The following SPAG17 variants were observed in gnomAD, a reference collection of about 807,000 sequenced individuals.
SPAG17 encodes sperm associated antigen 17.
In SPAG17, 169 loss-of-function variants were observed where a neutral mutation model predicts 273.6. That is an observed-to-expected ratio of 0.62 (90% CI 0.55 to 0.70). The LOEUF is 0.70. Ranked by LOEUF, SPAG17 falls within the 30% of genes least tolerant of loss-of-function variation. SPAG17 has a pLI of 0.00. For synonymous variants in SPAG17, 825 were observed against 873.2 expected (o/e 0.94, Z 0.97); for missense variants, 2,557 against 2,627.8 (o/e 0.97, Z 0.59).
At chr1:118,129,336 A>T (rs1184546959) in intron 3 of SPAG17, among the ~76,000 whole-genome samples, 1 of 152,226 alleles carries the variant, frequency 6.6e-6, no homozygotes, top group Non-Finnish European at 1.5e-5. Flanking sequence ...GACAATACTA[A>T]GATGTGTTTC....
rs770664765 is a variant in SPAG17 at position 118,042,051 on chromosome 1, A to G, written c.2815-9T>C. On this transcript the variant is annotated splice_polypyrimidine_tract_variant and intron_variant, in intron 20 of 48. Transcript: ENST00000336338. ...TGCTCTTCTTTCCATGCCTGTAAAC[A>G]CATTTAAGAAATTTAACAGGATTTT... 2.5e-5 allele frequency: 40 copies of G among 1,593,058 alleles called. No individual in the cohort carries two copies. The highest frequency in any genetic ancestry group is 3.4e-5 in the Non-Finnish European group (40 of 1,174,838).
At position 118,023,447 on chromosome 1, in the gene SPAG17, C is replaced by A. The variant is rs933403042; in HGVS notation, c.3926G>T (p.Gly1309Val). The change falls in exon 28 of 49, where the codon GGT becomes GTT. Residue 1309 changes from glycine (G) to valine (V), a missense_variant. Gly to Val is a moderately radical substitution (Grantham distance 109, BLOSUM62 -3). Coordinates refer to ENST00000336338, the MANE Select transcript of SPAG17 (RefSeq NM_206996.4). ...TGAATTGGGACTCCTGCTCACAGCA[C>A]CATCTGCAAAGAGAATCTGAAGAAT... ...DGSTQILFADGAVSRSPNSGL... is the reference protein window; with the variant it reads ...DGSTQILFADVAVSRSPNSGL... 1 of 1,606,344 alleles carries A rather than the reference C, an allele frequency of 6.2e-7. No individual in the cohort carries two copies. The highest frequency in any genetic ancestry group is 8.5e-7 in the Non-Finnish European group (1 of 1,176,094).
chr1:118,011,636 A>G (rs138236418), intron 30 of SPAG17, among the ~76,000 whole-genome samples: 7 of 152,294 alleles, frequency 4.6e-5, no homozygotes, highest in Admixed American at 4.6e-4. Flanking sequence ...TACCTGGGTG[A>G]CAAAATAATC....
chr1:117,974,097 T>C (rs186262425), intron 43 of SPAG17, among the ~76,000 whole-genome samples: 119 of 152,334 alleles, frequency 7.8e-4, no homozygotes, highest in African/African-American at 2.8e-3. Context: ...TTCCGTGTCT[T>C]TGCTATCATG....
chr1:117,963,812 A>T lies in SPAG17; in HGVS notation c.6659T>A (p.Val2220Asp). The T allele has an allele frequency of 6.2e-7, 1 of 1,612,214 alleles. No individual in the cohort carries two copies. Among genetic ancestry groups the T allele is most frequent in the Non-Finnish European group, 8.5e-7 (1 of 1,179,042 alleles). ...STLGVFMSRKVSPH is the reference protein window; with the variant it reads ...STLGVFMSRKDSPH Reference sequence around the variant, plus strand: ...TACTTACTGTACCTAATGTGGAGAAACTTTACGAGACATGAAGACTCCAAG... The same window carrying T: ...TACTTACTGTACCTAATGTGGAGAATCTTTACGAGACATGAAGACTCCAAG... Residue 2220 changes from valine to aspartate, a missense_variant, in exon 48 of 49, where the codon GTT becomes GAT. Coordinates refer to ENST00000336338, the MANE Select transcript of SPAG17 (RefSeq NM_206996.4).
chr1:118,137,038 A>G (rs1170401677), intron 3 of SPAG17, among the ~76,000 whole-genome samples: 1 of 152,186 alleles, frequency 6.6e-6, no homozygotes, highest in African/African-American at 2.4e-5. Context: ...GAAATGTAAT[A>G]TATTAGGCCT....
At chr1:118,010,188 CAT>C (rs1040815069) in intron 30 of SPAG17, among the ~76,000 whole-genome samples, 1 of 152,154 alleles carries the variant, frequency 6.6e-6, no homozygotes, top group Admixed American at 6.5e-5. Context: ...TAGTAAATAA[CAT>C]ATTGTATTTT....
chr1:117,966,740 A>C lies in SPAG17; in HGVS notation c.6401T>G (p.Met2134Arg), dbSNP rs1653900588. The C allele has an allele frequency of 6.2e-7, 1 of 1,610,858 alleles. No homozygotes were observed. Among genetic ancestry groups the C allele is most frequent in the Non-Finnish European group, 8.5e-7 (1 of 1,179,064 alleles). The change falls in exon 47 of 49, where the codon ATG becomes AGG. Residue 2134 changes from methionine (M) to arginine (R), a missense_variant. Physicochemically the swap from Met to Arg is moderately conservative, Grantham distance 91. Coordinates refer to ENST00000336338, the MANE Select transcript of SPAG17 (RefSeq NM_206996.4). ...TYKPGPVAAG[M>R]QTELNIELFA... Reference sequence around the variant, plus strand: ...TAACTCTATATTCAGTTCTGTCTGCATACCAGCTGCCACCTATAAGACACA... The same window carrying C: ...TAACTCTATATTCAGTTCTGTCTGCCTACCAGCTGCCACCTATAAGACACA...
intron 48 of SPAG17, chr1:117,960,878 G>C (rs1652987651): frequency 6.6e-6 from 1 of 152,152 alleles, no homozygotes; most frequent in Non-Finnish European, 1.5e-5. Context: ...AAATAGTCTA[G>C]TATCTACATA....
At chr1:118,089,742 T>G (rs1655246883) in intron 10 of SPAG17, among the ~76,000 whole-genome samples, 1 of 152,162 alleles carries the variant, frequency 6.6e-6, no homozygotes, top group Non-Finnish European at 1.5e-5. Flanking sequence ...CTTGAAAAAC[T>G]TTTTGTGCCT....
intron 20 of SPAG17, among the ~76,000 whole-genome samples, chr1:118,044,634 T>C (rs1050752496): frequency 3.9e-5 from 6 of 152,202 alleles, no homozygotes; most frequent in Non-Finnish European, 7.3e-5. Flanking sequence ...TCAAATCTCA[T>C]GTGGAACTGT....
chr1:117,991,003 C>T, intron 37 of SPAG17, 97 bp from the exon 38 acceptor site: 1 of 644,186 alleles, frequency 1.6e-6, no homozygotes, highest in Admixed American at 3.0e-5. Context: ...GTAAAAACTA[C>T]TATAAAATGA....
At chr1:118,022,804 G>T (rs911029074) in intron 28 of SPAG17, among the ~76,000 whole-genome samples, 2 of 152,150 alleles carry the variant, frequency 1.3e-5, no homozygotes, top group South Asian at 4.1e-4. Flanking sequence ...ATAAAGACAG[G>T]TCTGCTGGGG....
chr1:118,083,548 A>G (rs1423351545), intron 13 of SPAG17, among the ~76,000 whole-genome samples: 1 of 152,012 alleles, frequency 6.6e-6, no homozygotes, highest in Non-Finnish European at 1.5e-5. Flanking sequence ...GCACTTTGGG[A>G]AACCGAGGTG....
chr1:118,074,077 T>C (rs1004427781), intron 16 of SPAG17, 110 bp from the exon 17 acceptor site: 6 of 695,622 alleles, frequency 8.6e-6, no homozygotes, highest in South Asian at 2.1e-5. Context: ...TGGGGAAATC[T>C]GCATATGTAT....
chr1:117,997,088 C>G (rs1432089856), intron 32 of SPAG17, among the ~76,000 whole-genome samples: 1 of 152,006 alleles, frequency 6.6e-6, no homozygotes, highest in Non-Finnish European at 1.5e-5. Context: ...CAATAGTTGT[C>G]TTGAATTATT....
intron 5 of SPAG17, among the ~76,000 whole-genome samples, chr1:118,101,341 C>A (rs1426109605): frequency 6.6e-6 from 1 of 152,152 alleles, no homozygotes; most frequent in Non-Finnish European, 1.5e-5. Flanking sequence ...ATGGCTTGAG[C>A]CTGGGATTTT....
chr1:117,964,125 G>C lies in SPAG17; in HGVS notation c.6533-187C>G, dbSNP rs561244649. The C allele has an allele frequency of 7.5e-5, 41 of 547,870 alleles. No homozygotes were observed. In the South Asian group the frequency reaches 9.9e-4, roughly 13 times the overall value. The allele number at this position is 547,870 out of a possible 1,614,324, so 33.9% of individuals were successfully genotyped here. A position where few individuals can be genotyped will look rare whatever the true frequency, so the allele number is the denominator to read the frequency against. Reference sequence around the variant, plus strand: ...TAGAGGATGGATATGCCAATGTCTAGAATGTCTTCTGTTCTCCCTAGTGTA... The same window carrying C: ...TAGAGGATGGATATGCCAATGTCTACAATGTCTTCTGTTCTCCCTAGTGTA... On this transcript the variant is annotated intron_variant, in intron 47 of 48. Coordinates refer to ENST00000336338, the MANE Select transcript of SPAG17 (RefSeq NM_206996.4).
At chr1:118,096,399 C>A (rs911474810) in intron 7 of SPAG17, among the ~76,000 whole-genome samples, 4 of 151,924 alleles carry the variant, frequency 2.6e-5, no homozygotes, top group Admixed American at 2.6e-4. Flanking sequence ...GTGCAGACAC[C>A]CATCCACCCT....
Sources: allele counts gnomAD v4.1 joint callset (sites outside exome capture counted in the v4.1 genomes callset), GRCh38; gene constraint gnomAD v4.1.1; transcripts MANE v1.5; gene names NCBI Gene and HGNC (gene_info 2026-07-23, HGNC 2026-07-21).